CNTN5: variants seen among roughly 807,000 people sequenced by gnomAD.
CNTN5 encodes contactin 5.
Under a neutral mutation model 129.1 loss-of-function variants are expected in CNTN5, and 77 were observed. The observed-to-expected ratio is 0.60, with a 90% CI of 0.50 to 0.72. The LOEUF is 0.72. Ranked by LOEUF, CNTN5 falls within the 30% of genes least tolerant of loss-of-function variation. CNTN5 has a pLI of 0.00. For missense variants in CNTN5, 1,478 were observed against 1,328.8 expected, an observed-to-expected ratio of 1.11 and a Z score of -1.75; for synonymous variants, 509 against 465.6, an observed-to-expected ratio of 1.09 and a Z score of -1.20.
chr11:99,380,465 T>G lies in CNTN5; in HGVS notation c.-71+54981T>G, dbSNP rs191856181. 1.1e-3 allele frequency among the ~76,000 whole-genome samples: 160 copies of G among 152,176 alleles called. 2 individuals carry two copies. Among genetic ancestry groups the G allele is most frequent in the Non-Finnish European group, 7.4e-5 (5 of 68,004 alleles). On this transcript the variant is annotated intron_variant, in intron 2 of 24. Transcript: ENST00000524871. Reference sequence around the variant, plus strand: ...ACTTAAACAAGAACATTTGTCAGATTTGTTCATTCAAATATTGTTTGTAGC... The same window carrying G: ...ACTTAAACAAGAACATTTGTCAGATGTGTTCATTCAAATATTGTTTGTAGC...
At chr11:99,132,775 A>C (rs1043296590) in intron 1 of CNTN5, among the ~76,000 whole-genome samples, 1 of 152,210 alleles carries the variant, frequency 6.6e-6, no homozygotes, top group African/African-American at 2.4e-5. Context: ...AGATGGAGAA[A>C]CATTACATAC....
intron 3 of CNTN5, among the ~76,000 whole-genome samples, chr11:99,672,529 C>G (rs372579753): frequency 2.0e-5 from 3 of 151,538 alleles, no homozygotes; most frequent in Admixed American, 1.3e-4. Flanking sequence ...GCTGTCCAAG[C>G]AAATTCTTAC....
intron 1 of CNTN5, among the ~76,000 whole-genome samples, chr11:99,273,659 A>T (rs1441461893): frequency 6.6e-6 from 1 of 151,748 alleles, no homozygotes; most frequent in Non-Finnish European, 1.5e-5. Flanking sequence ...TCTTGAAGAA[A>T]TTTGGGATAA....
intron 2 of CNTN5, among the ~76,000 whole-genome samples, chr11:99,509,675 C>T (rs1372380710): frequency 1.3e-5 from 2 of 150,908 alleles, no homozygotes; most frequent in Admixed American, 6.6e-5. Flanking sequence ...CTGAATAGAA[C>T]CTTTTAATGA....
intron 2 of CNTN5, among the ~76,000 whole-genome samples, chr11:99,336,531 T>G (rs1866233434): frequency 6.6e-6 from 1 of 152,124 alleles, no homozygotes; most frequent in African/African-American, 2.4e-5. Flanking sequence ...TCTTAATGTC[T>G]TATAAACTAG....
intron 3 of CNTN5, among the ~76,000 whole-genome samples, chr11:99,576,972 G>T (rs1327869046): frequency 6.6e-6 from 1 of 152,108 alleles, no homozygotes; most frequent in African/African-American, 2.4e-5. Context: ...ACAAATCTTT[G>T]GACTGAGTAA....
chr11:99,845,625 G>A (rs556953169), intron 6 of CNTN5, among the ~76,000 whole-genome samples: 1 of 152,116 alleles, frequency 6.6e-6, no homozygotes, highest in East Asian at 1.9e-4. Context: ...GCCCGCCTCG[G>A]CCTCCCAAAG....
chr11:99,868,632 T>C (rs56212054), intron 6 of CNTN5, among the ~76,000 whole-genome samples: 5,906 of 152,250 alleles, frequency 0.039, 196 homozygotes, highest in East Asian at 0.16. Flanking sequence ...CAGCATGTTG[T>C]CAACAGGAAT....
intron 15 of CNTN5, among the ~76,000 whole-genome samples, chr11:100,208,090 T>A (rs1948952208): frequency 1.3e-5 from 2 of 152,176 alleles, no homozygotes; most frequent in South Asian, 4.1e-4. Context: ...CATTTAAGTA[T>A]CAATGAATAC....
intron 2 of CNTN5, among the ~76,000 whole-genome samples, chr11:99,522,941 A>G (rs1372683757): frequency 1.3e-5 from 2 of 152,158 alleles, no homozygotes; most frequent in Non-Finnish European, 2.9e-5. Context: ...AAGACCATTC[A>G]ATAACCTCTC....
rs144705575 is a variant in CNTN5 at position 99,113,959 on chromosome 11, A to G, written c.-210+92689A>G. 4.6e-5 allele frequency among the ~76,000 whole-genome samples: 7 copies of G among 152,304 alleles called. 1 individual carries two copies. Among genetic ancestry groups the G allele is most frequent in the East Asian group, 1.9e-4 (1 of 5,186 alleles). On this transcript the variant is annotated intron_variant, in intron 1 of 24. Coordinates refer to ENST00000524871, the MANE Select transcript of CNTN5 (RefSeq NM_014361.4). The stretch of plus-strand genomic sequence containing the variant: ...TCCTGAGACTCCTAATGAATCCCAC[A>G]GCACTTGGTGCATCCCTCTCATAAG...
In CNTN5 at chr11:99,930,689, T is replaced by G. The variant is rs142188058; in HGVS notation, c.673+14540T>G. On this transcript the variant is annotated intron_variant, in intron 7 of 24. Coordinates refer to ENST00000524871, the MANE Select transcript of CNTN5 (RefSeq NM_014361.4). ...TGCCAATTCAAATAAACAAGAGATT[T>G]CATCAATTATTTTGATTGACTTAAC... Among the ~76,000 whole-genome samples, 678 of 152,298 alleles carry G rather than the reference T, an allele frequency of 4.5e-3. 5 individuals are homozygous for G. The highest frequency in any genetic ancestry group is 0.015 in the African/African-American group (631 of 41,566).
chr11:99,473,255 G>A (rs1235771689), intron 2 of CNTN5, among the ~76,000 whole-genome samples: 1 of 152,016 alleles, frequency 6.6e-6, no homozygotes, highest in Non-Finnish European at 1.5e-5. Context: ...AGGCTATTAG[G>A]ATGGATTTTC....
chr11:99,799,967 A>G (rs1946063442), intron 3 of CNTN5, among the ~76,000 whole-genome samples: 1 of 151,944 alleles, frequency 6.6e-6, no homozygotes. Context: ...CTCTGATTCA[A>G]TTTTGAGATA....
chr11:99,408,183 G>A lies in CNTN5; in HGVS notation c.-71+82699G>A, dbSNP rs140143521. On this transcript the variant is annotated intron_variant, in intron 2 of 24. Coordinates refer to ENST00000524871, the MANE Select transcript of CNTN5 (RefSeq NM_014361.4). ...CAGCCCTCCTTTTAATTTCACTGGCGTTTTTGCAGGCTTCTTTTTTAAAAA... is the reference window on the plus strand; with the variant it reads ...CAGCCCTCCTTTTAATTTCACTGGCATTTTTGCAGGCTTCTTTTTTAAAAA... Among the ~76,000 whole-genome samples the A allele has an allele frequency of 1.9e-4, 29 of 151,738 alleles. No homozygotes were observed. The East Asian group carries it at 4.5e-3, about 23-fold the overall frequency.
Position 99,228,550 on chromosome 11 carries a change from C to T in CNTN5, c.-209-96796C>T, listed in dbSNP as rs535409171. Among the ~76,000 whole-genome samples the T allele has an allele frequency of 1.3e-3, 199 of 152,108 alleles. 1 individual carries two copies. The highest frequency in any genetic ancestry group is 4.6e-3 in the African/African-American group (192 of 41,550). On this transcript the variant is annotated intron_variant, in intron 1 of 24. Coordinates refer to ENST00000524871, the MANE Select transcript of CNTN5 (RefSeq NM_014361.4). ...GATAGATACCCTAAATACCTTGAAT[C>T]GATCATTACACAGTCTGTGTGTGTA... is the stretch of plus-strand genomic sequence containing the variant.
intron 1 of CNTN5, among the ~76,000 whole-genome samples, chr11:99,163,032 G>T (rs1042176123): frequency 6.6e-6 from 1 of 152,170 alleles, no homozygotes; most frequent in Non-Finnish European, 1.5e-5. Context: ...AACCGAAGTT[G>T]CCTTTTCAGA....
chr11:99,310,715 A>T (rs1865073522), intron 1 of CNTN5, among the ~76,000 whole-genome samples: 1 of 152,214 alleles, frequency 6.6e-6, no homozygotes, highest in African/African-American at 2.4e-5. Flanking sequence ...CCTGATTTAT[A>T]GCAACAATGA....
chr11:99,509,499 A>G (rs1946753425), intron 2 of CNTN5, among the ~76,000 whole-genome samples: 2 of 152,196 alleles, frequency 1.3e-5, no homozygotes, highest in Non-Finnish European at 2.9e-5. Context: ...ACTGGCAAAG[A>G]GAAAGAGCAA....
Sources: allele counts gnomAD v4.1 joint callset (sites outside exome capture counted in the v4.1 genomes callset), GRCh38; gene constraint gnomAD v4.1.1; transcripts MANE v1.5; gene names NCBI Gene and HGNC (gene_info 2026-07-23, HGNC 2026-07-21).